FGF14: variants seen among roughly 807,000 people sequenced by gnomAD.
The protein encoded by FGF14 is fibroblast growth factor 14, also known as fibroblast growth factor homologous factor 4.
In FGF14, 5 loss-of-function variants were observed where a neutral mutation model predicts 25.5. The ratio of observed to expected loss-of-function variants is 0.20; its 90% CI spans 0.10 to 0.41. FGF14 has a LOEUF of 0.41. Ranked by LOEUF, FGF14 falls within the 10% of genes least tolerant of loss-of-function variation. The pLI is 1.00. For missense variants in FGF14, 222 were observed against 320.1 expected (o/e 0.69, Z 2.34); for synonymous variants, 138 against 118.3 (o/e 1.17, Z -1.08).
intron 1 of FGF14, among the ~76,000 whole-genome samples, chr13:102,398,723 G>A (rs1053746911): frequency 5.3e-5 from 8 of 151,790 alleles, no homozygotes; most frequent in Non-Finnish European, 8.8e-5. Context: ...AAAGATTTTA[G>A]GCTTTATGTT....
At chr13:102,227,721 T>C (rs1435679264) in intron 1 of FGF14, among the ~76,000 whole-genome samples, 2 of 152,110 alleles carry the variant, frequency 1.3e-5, no homozygotes, top group African/African-American at 4.8e-5. Flanking sequence ...CGTAGAATAA[T>C]AGATACAGGT....
intron 3 of FGF14, among the ~76,000 whole-genome samples, chr13:101,755,685 A>G (rs1013217775): frequency 6.6e-6 from 1 of 152,214 alleles, no homozygotes; most frequent in African/African-American, 2.4e-5. Context: ...GTTGACAAAC[A>G]ATTAGGCATA....
At chr13:101,881,790 C>T (rs1175491164) in intron 1 of FGF14, among the ~76,000 whole-genome samples, 1 of 152,156 alleles carries the variant, frequency 6.6e-6, no homozygotes, top group African/African-American at 2.4e-5. Flanking sequence ...GCTCAAGTGC[C>T]GGCTGTGGCA....
intron 1 of FGF14, among the ~76,000 whole-genome samples, chr13:101,899,935 C>A (rs2031301436): frequency 6.6e-6 from 1 of 152,078 alleles, no homozygotes; most frequent in Non-Finnish European, 1.5e-5. Flanking sequence ...GAGAATATTG[C>A]ACCTGGCTAC....
chr13:102,352,777 A>C (rs1168614251), intron 1 of FGF14, among the ~76,000 whole-genome samples: 1 of 147,864 alleles, frequency 6.8e-6, no homozygotes, highest in Non-Finnish European at 1.5e-5. Flanking sequence ...GCGCCACTGC[A>C]CTCCAGCCTG....
intron 1 of FGF14, among the ~76,000 whole-genome samples, chr13:102,247,827 A>G (rs1458948381): frequency 6.6e-6 from 1 of 152,154 alleles, no homozygotes; most frequent in Non-Finnish European, 1.5e-5. Flanking sequence ...CAGCAAAGAC[A>G]TGGACTCAAC....
intron 1 of FGF14, among the ~76,000 whole-genome samples, chr13:102,012,452 T>C (rs1461349394): frequency 4.0e-5 from 6 of 151,610 alleles, no homozygotes; most frequent in African/African-American, 1.5e-4. Flanking sequence ...TTATTTTGTC[T>C]GTGTCTGAAA....
intron 1 of FGF14, among the ~76,000 whole-genome samples, chr13:102,005,761 A>T (rs1449797739): frequency 1.3e-5 from 2 of 152,232 alleles, no homozygotes; most frequent in African/African-American, 4.8e-5. Flanking sequence ...TCTTTCCTGA[A>T]ATACTATTCC....
chr13:101,955,154 T>A (rs768477565), intron 1 of FGF14, among the ~76,000 whole-genome samples: 8 of 152,258 alleles, frequency 5.3e-5, no homozygotes, highest in African/African-American at 1.7e-4. Context: ...CAAGCCAGAA[T>A]GAGCTATGAT....
chr13:102,025,185 T>C (rs1325237483), intron 1 of FGF14, among the ~76,000 whole-genome samples: 1 of 151,892 alleles, frequency 6.6e-6, no homozygotes, highest in African/African-American at 2.4e-5. Flanking sequence ...TCAATGTCCA[T>C]ATAAACTTTA....
chr13:101,994,893 T>G (rs1368502422), intron 1 of FGF14, among the ~76,000 whole-genome samples: 1 of 152,124 alleles, frequency 6.6e-6, no homozygotes, highest in Non-Finnish European at 1.5e-5. Flanking sequence ...AATTTTGTTA[T>G]GTAATTAGGC....
intron 1 of FGF14, among the ~76,000 whole-genome samples, chr13:102,113,399 A>AG (rs1018814369): frequency 6.6e-6 from 1 of 152,220 alleles, no homozygotes; most frequent in African/African-American, 2.4e-5. Flanking sequence ...CAAACCATGC[A>AG]GCAATCCCAG....
intron 3 of FGF14, among the ~76,000 whole-genome samples, chr13:101,762,312 A>G (rs2038079252): frequency 6.6e-6 from 1 of 152,204 alleles, no homozygotes; most frequent in Admixed American, 6.5e-5. Flanking sequence ...CTTCAGCTGG[A>G]TAAGTGTTTC....
chr13:102,010,354 G>A (rs1055108151), intron 1 of FGF14, among the ~76,000 whole-genome samples: 1 of 151,994 alleles, frequency 6.6e-6, no homozygotes, highest in African/African-American at 2.4e-5. Context: ...AAGAAGCCTC[G>A]AGCACAACAT....
At chr13:102,178,422 G>A (rs2048532511) in intron 1 of FGF14, among the ~76,000 whole-genome samples, 1 of 151,976 alleles carries the variant, frequency 6.6e-6, no homozygotes, top group South Asian at 2.1e-4. Context: ...TAATACAAGG[G>A]GTAAAAGTAT....
At chr13:102,017,357 CT>C (rs1449207501) in intron 1 of FGF14, among the ~76,000 whole-genome samples, 1 of 152,106 alleles carries the variant, frequency 6.6e-6, no homozygotes, top group Non-Finnish European at 1.5e-5. Flanking sequence ...TGTTTTATCC[CT>C]AAAATCAAAT....
intron 2 of FGF14, among the ~76,000 whole-genome samples, chr13:101,873,510 G>A (rs902867616): frequency 1.3e-5 from 2 of 152,030 alleles, no homozygotes; most frequent in Non-Finnish European, 2.9e-5. Flanking sequence ...TAGTTATTAC[G>A]TTCTAATCCT....
intron 1 of FGF14, among the ~76,000 whole-genome samples, chr13:102,399,967 C>G (rs1186425851): frequency 6.6e-6 from 1 of 152,184 alleles, no homozygotes; most frequent in Non-Finnish European, 1.5e-5. Flanking sequence ...CCCTTTTAGA[C>G]TGTCTAACAA....
At chr13:102,081,289 A>G (rs2043605533) in intron 1 of FGF14, among the ~76,000 whole-genome samples, 1 of 152,220 alleles carries the variant, frequency 6.6e-6, no homozygotes, top group African/African-American at 2.4e-5. Context: ...AATCCCTTGA[A>G]ACTCTGAGTA....
Sources: gnomAD v4.1 joint callset for allele counts (sites outside exome capture counted in the v4.1 genomes callset) on GRCh38, gnomAD v4.1.1 for gene constraint, MANE v1.5 for transcripts, NCBI Gene and HGNC (gene_info 2026-07-23, HGNC 2026-07-21) for gene names.